The following KCNIP4 variants were observed in gnomAD, a reference collection of about 807,000 sequenced individuals.
KCNIP4 encodes Kv channel-interacting protein 4.
KCNIP4 carries 12 observed loss-of-function variants against 34.0 expected under a neutral mutation model. The ratio of observed to expected loss-of-function variants is 0.35; its 90% confidence interval spans 0.23 to 0.57. The LOEUF (loss-of-function observed/expected upper bound fraction) is 0.57, where lower values mean the gene tolerates loss of function less well. KCNIP4 is among the 20% of genes least tolerant of loss of function. The pLI is 0.83. For missense variants in KCNIP4, 238 were observed against 311.7 expected (o/e 0.76, Z 1.78); for synonymous variants, 124 against 102.2 (o/e 1.21, Z -1.29).
intron 1 of KCNIP4, among the ~76,000 whole-genome samples, chr4:21,579,930 C>T (rs558288498): frequency 1.5e-4 from 23 of 152,136 alleles, no homozygotes; most frequent in African/African-American, 4.8e-4. Flanking sequence ...TTTCACAGAA[C>T]GCTTAGGTAA....
chr4:21,136,405 C>T (rs569168071), intron 1 of KCNIP4, among the ~76,000 whole-genome samples: 2 of 152,166 alleles, frequency 1.3e-5, no homozygotes, highest in African/African-American at 2.4e-5. Context: ...TTTCTCTTTT[C>T]GGATATTACC....
chr4:21,105,690 G>C (rs1230036717), intron 1 of KCNIP4, among the ~76,000 whole-genome samples: 1 of 151,620 alleles, frequency 6.6e-6, no homozygotes, highest in Non-Finnish European at 1.5e-5. Context: ...CAAATGGAAG[G>C]CTTCCAGTTT....
intron 1 of KCNIP4, among the ~76,000 whole-genome samples, chr4:21,562,752 T>C (rs1159931025): frequency 6.6e-6 from 1 of 152,006 alleles, no homozygotes; most frequent in African/African-American, 2.4e-5. Flanking sequence ...ATTGGAAAAT[T>C]TGTCCACACG....
intron 1 of KCNIP4, among the ~76,000 whole-genome samples, chr4:21,577,633 AAAACAAACAAAC>A (rs36186672): frequency 0.057 from 8,598 of 150,894 alleles, 345 homozygotes; most frequent in Non-Finnish European, 0.088. Context: ...CTCCATCTTA[AAAACAAACAAAC>A]AAACAAACAA....
intron 1 of KCNIP4, among the ~76,000 whole-genome samples, chr4:21,441,567 G>A (rs1727486553): frequency 6.6e-6 from 1 of 152,108 alleles, no homozygotes. Flanking sequence ...AAAAAGCACA[G>A]AATTAGGCAA....
At chr4:21,282,529 C>A (rs1762843886) in intron 1 of KCNIP4, among the ~76,000 whole-genome samples, 1 of 150,640 alleles carries the variant, frequency 6.6e-6, no homozygotes, top group African/African-American at 2.4e-5. Flanking sequence ...CTTTTAAATA[C>A]ATTTTTAAAA....
intron 1 of KCNIP4, among the ~76,000 whole-genome samples, chr4:21,010,090 C>A (rs914817197): frequency 1.3e-5 from 2 of 152,086 alleles, no homozygotes; most frequent in African/African-American, 4.8e-5. Context: ...CTTCAAATAC[C>A]CTCATACTCG....
At chr4:21,605,634 C>T (rs1445122461) in intron 1 of KCNIP4, among the ~76,000 whole-genome samples, 1 of 152,018 alleles carries the variant, frequency 6.6e-6, no homozygotes, top group African/African-American at 2.4e-5. Flanking sequence ...GTGCCCGCCA[C>T]CACACCCAGC....
chr4:20,864,129 C>T (rs1376177322), intron 2 of KCNIP4, among the ~76,000 whole-genome samples: 5,772 of 131,126 alleles, frequency 0.044, 322 homozygotes, highest in Non-Finnish European at 0.069. Context: ...CATGTATACA[C>T]ATGTATGTAT....
intron 3 of KCNIP4, among the ~76,000 whole-genome samples, chr4:20,800,164 T>C (rs747460595): frequency 6.6e-6 from 1 of 152,220 alleles, no homozygotes; most frequent in Non-Finnish European, 1.5e-5. Context: ...CCAAGGTATG[T>C]CAGTCATCAC....
chr4:21,039,872 T>C (rs1227658264), intron 1 of KCNIP4, among the ~76,000 whole-genome samples: 1 of 152,240 alleles, frequency 6.6e-6, no homozygotes, highest in Non-Finnish European at 1.5e-5. Flanking sequence ...GTTCTCATAC[T>C]GCTATAAAGA....
chr4:21,410,217 A>G (rs1724364405), intron 1 of KCNIP4, among the ~76,000 whole-genome samples: 1 of 152,160 alleles, frequency 6.6e-6, no homozygotes, highest in Admixed American at 6.5e-5. Flanking sequence ...AAAAAAAAGT[A>G]TATAAAGCAT....
At chr4:21,120,816 A>T (rs1577727262) in intron 1 of KCNIP4, among the ~76,000 whole-genome samples, 1 of 152,102 alleles carries the variant, frequency 6.6e-6, no homozygotes, top group South Asian at 2.1e-4. Context: ...TCCTGTGAAA[A>T]CACCGGTCTT....
intron 1 of KCNIP4, among the ~76,000 whole-genome samples, chr4:21,098,053 G>A (rs1747615051): frequency 6.6e-6 from 1 of 152,160 alleles, no homozygotes; most frequent in South Asian, 2.1e-4. Context: ...AGGGCTCTGG[G>A]TAAAAGTTCA....
chr4:21,566,713 T>C (rs1000456753), intron 1 of KCNIP4, among the ~76,000 whole-genome samples: 1 of 152,046 alleles, frequency 6.6e-6, no homozygotes, highest in Non-Finnish European at 1.5e-5. Flanking sequence ...GAAGAGACAA[T>C]ACTTAGAGAC....
At chr4:20,958,590 A>G (rs1239270976) in intron 1 of KCNIP4, among the ~76,000 whole-genome samples, 1 of 152,224 alleles carries the variant, frequency 6.6e-6, no homozygotes, top group African/African-American at 2.4e-5. Flanking sequence ...AAGAACTTTC[A>G]GCTAAACTTA....
chr4:21,691,638 A>G (rs1438941252), intron 1 of KCNIP4, among the ~76,000 whole-genome samples: 1 of 149,840 alleles, frequency 6.7e-6, no homozygotes, highest in African/African-American at 2.4e-5. Flanking sequence ...TAAGTGCTGA[A>G]GTTTCTGGTA....
intron 1 of KCNIP4, among the ~76,000 whole-genome samples, chr4:21,884,889 G>T (rs1726671488): frequency 6.6e-6 from 1 of 151,974 alleles, no homozygotes; most frequent in Admixed American, 6.6e-5. Flanking sequence ...GTGGCTCGTG[G>T]CTCCAGCTCA....
rs117622704 is a variant in KCNIP4, at chr4:21,498,768, T to C, written c.61+449803A>G. 5.6e-4 allele frequency among the ~76,000 whole-genome samples: 85 copies of C among 152,242 alleles called. No homozygotes were observed. The East Asian group carries it at 0.015, about 27-fold the overall frequency. The stretch of plus-strand genomic sequence containing the variant: ...GTTTAGCAACTTGGGACATAGACTG[T>C]AAGAAATAACAACTGTGCAGATGAG... On this transcript the variant is annotated intron_variant, in intron 1 of 8. Transcript: ENST00000382152.
Sources: allele counts gnomAD v4.1 joint callset (sites outside exome capture counted in the v4.1 genomes callset), GRCh38; gene constraint gnomAD v4.1.1; transcripts MANE v1.5; gene names NCBI Gene and HGNC (gene_info 2026-07-23, HGNC 2026-07-21).